GALNT12: variants seen among roughly 807,000 people sequenced by gnomAD.
GALNT12 encodes the protein UDP-GalNAc:polypeptide N-acetylgalactosaminyltransferase 12.
Under a neutral mutation model 55.5 loss-of-function variants are expected in GALNT12, and 45 were observed. The observed-to-expected ratio is 0.81, with a 90% confidence interval of 0.64 to 1.04. The LOEUF (loss-of-function observed/expected upper bound fraction) is 1.04. Among genes scored for constraint, GALNT12 ranks in the 50% least tolerant of loss-of-function variants. The probability of loss-of-function intolerance (pLI) is 0.00; values close to 1 mark genes in which losing one functional copy is unlikely to be tolerated. For synonymous variants in GALNT12, 304 were observed against 312.2 expected (o/e 0.97, Z 0.28); for missense variants, 709 against 754.8 (o/e 0.94, Z 0.71).
In GALNT12 at chr9:98,813,579, C is replaced by G. The variant is rs141797639; in HGVS notation, c.371+5510C>G. ...ATGGTGCGATCTCAGCTCACTGCAA[C>G]CTCCACCTCCTGGGTTCAAGTGATT... On this transcript the variant is annotated intron_variant, in intron 1 of 9. Coordinates refer to ENST00000375011, the MANE Select transcript of GALNT12 (RefSeq NM_024642.5). Among the ~76,000 whole-genome samples the G allele has an allele frequency of 5.2e-3, 796 of 151,912 alleles. 5 individuals are homozygous for G. Among genetic ancestry groups the G allele is most frequent in the South Asian group, 0.023 (111 of 4,804 alleles).
chr9:98,836,824 G>A (rs150280556), intron 5 of GALNT12, 148 bp from the exon 6 acceptor site: 9 of 791,776 alleles, frequency 1.1e-5, no homozygotes, highest in Non-Finnish European at 1.8e-5. Flanking sequence ...TGAGTGTGCC[G>A]GGTAGGTGGC....
Position 98,827,511 on chromosome 9 carries a change from A to G in GALNT12, c.731+570A>G, listed in dbSNP as rs534384658. On this transcript the variant is annotated intron_variant, in intron 3 of 9. Transcript: ENST00000375011. Reference sequence around the variant, plus strand: ...TATCCGGGCTTGTTGCAGAAAACCGAGGAAGTATCATCAACCAAGAACATT... The same window carrying G: ...TATCCGGGCTTGTTGCAGAAAACCGGGGAAGTATCATCAACCAAGAACATT... Among the ~76,000 whole-genome samples, 185 of 152,270 alleles carry G rather than the reference A, an allele frequency of 1.2e-3. 1 individual carries two copies. Among genetic ancestry groups the G allele is most frequent in the Non-Finnish European group, 2.4e-3 (162 of 68,026 alleles).
chr9:98,846,254 G>C, intron 9 of GALNT12, 131 bp downstream of exon 9: 1 of 1,194,416 alleles, frequency 8.4e-7, no homozygotes, highest in Non-Finnish European at 1.2e-6. Flanking sequence ...CAGGAGCTCT[G>C]GAAGACCTGG....
chr9:98,815,152 G>A (rs1175030598), intron 1 of GALNT12, among the ~76,000 whole-genome samples: 2 of 152,150 alleles, frequency 1.3e-5, no homozygotes, highest in Non-Finnish European at 1.5e-5. Flanking sequence ...TTTTCTGGAA[G>A]CAAACTTAAA....
At position 98,835,365 on chromosome 9, in the gene GALNT12, G is replaced by T; in HGVS notation, c.1034G>T (p.Arg345Met). 1 of 1,549,476 alleles carries T rather than the reference G, an allele frequency of 6.5e-7. No individual in the cohort carries two copies. The highest frequency in any genetic ancestry group is 8.9e-7 in the Non-Finnish European group (1 of 1,121,108). Residue 345 changes from arginine to methionine, a missense_variant and splice_region_variant, in exon 5 of 10, where the codon AGG (arginine) becomes ATG (methionine). Around this residue, in one of 5 missense-constraint regions of GALNT12, gnomAD observed 262 missense variants for 310.7 expected, o/e 0.84. Coordinates refer to ENST00000375011, the MANE Select transcript of GALNT12 (RefSeq NM_024642.5). ...WGGENLEFSFRIWQCGGVLET... is the reference protein window; with the variant it reads ...WGGENLEFSFMIWQCGGVLET... The stretch of plus-strand genomic sequence containing the variant: ...GGAGAAAACCTCGAATTTTCCTTTA[G>T]GGTAAGTATTTCAGTCTTCTCTTTG...
intron 9 of GALNT12, among the ~76,000 whole-genome samples, chr9:98,847,652 A>G (rs1836450739): frequency 2.0e-5 from 3 of 152,320 alleles, no homozygotes; most frequent in African/African-American, 7.2e-5. Context: ...CATATGTGAA[A>G]AGGATACAGC....
chr9:98,824,269 G>A (rs1431784077), intron 2 of GALNT12, among the ~76,000 whole-genome samples: 1 of 152,184 alleles, frequency 6.6e-6, no homozygotes, highest in Non-Finnish European at 1.5e-5. Context: ...TGGCTCCTTG[G>A]TGGATGGGGC....
rs1431628042 is a variant in GALNT12, at chr9:98,836,964, G to A, written c.1036-8G>A. The A allele has an allele frequency of 1.2e-6, 2 of 1,614,022 alleles. No homozygotes were observed. Among genetic ancestry groups the A allele is most frequent in the South Asian group, 1.1e-5 (1 of 91,064 alleles). Reference sequence around the variant, plus strand: ...CACCACCTGGCCTCTCCTTTTCTCTGTGTGCAGATCTGGCAGTGTGGTGGG... The same window carrying A: ...CACCACCTGGCCTCTCCTTTTCTCTATGTGCAGATCTGGCAGTGTGGTGGG... On this transcript the variant is annotated splice_polypyrimidine_tract_variant and splice_region_variant and intron_variant, in intron 5 of 9. Transcript: ENST00000375011.
chr9:98,849,236 G>A lies in GALNT12; in HGVS notation c.*144G>A. ...GGCAATCATTTTGCCATTTGTGAAAGTTGTGTTGGATTTAGTAAAAATGTG... is the reference window on the plus strand; with the variant it reads ...GGCAATCATTTTGCCATTTGTGAAAATTGTGTTGGATTTAGTAAAAATGTG... On this transcript the variant is annotated 3_prime_UTR_variant, in exon 10 of 10. Coordinates refer to ENST00000375011, the MANE Select transcript of GALNT12 (RefSeq NM_024642.5). 2.5e-6 allele frequency: 2 copies of A among 796,696 alleles called. No homozygotes were observed. The highest frequency in any genetic ancestry group is 4.2e-6 in the Non-Finnish European group (2 of 477,114). The allele number at this position is 796,696 out of a possible 1,614,324, so 49.4% of individuals were successfully genotyped here.
Position 98,836,954 on chromosome 9 carries a change from C to T in GALNT12, c.1036-18C>T, listed in dbSNP as rs1485352262. 1 of 1,613,986 alleles carries T rather than the reference C, an allele frequency of 6.2e-7. No homozygotes were observed. Among genetic ancestry groups the T allele is most frequent in the Non-Finnish European group, 8.5e-7 (1 of 1,179,988 alleles). On this transcript the variant is annotated intron_variant, in intron 5 of 9. Transcript: ENST00000375011. ...ATCCCCTGCTCACCACCTGGCCTCT[C>T]CTTTTCTCTGTGTGCAGATCTGGCA... is the stretch of plus-strand genomic sequence containing the variant.
chr9:98,831,096 T>C lies in GALNT12; in HGVS notation c.732-676T>C, dbSNP rs369879987. Reference sequence around the variant, plus strand: ...ATTTGTAATAATGTGGAGAGAACCGTTGAAGCCAACACACAGGCTGATACC... The same window carrying C: ...ATTTGTAATAATGTGGAGAGAACCGCTGAAGCCAACACACAGGCTGATACC... On this transcript the variant is annotated intron_variant, in intron 3 of 9. Transcript: ENST00000375011. 2.6e-5 allele frequency among the ~76,000 whole-genome samples: 4 copies of C among 152,224 alleles called. No individual in the cohort carries two copies. In the East Asian group the frequency reaches 7.7e-4, roughly 29 times the overall value.
At chr9:98,836,442 A>G (rs1391378784) in intron 5 of GALNT12, among the ~76,000 whole-genome samples, 3 of 152,186 alleles carry the variant, frequency 2.0e-5, no homozygotes, top group Admixed American at 2.0e-4. Context: ...GGAAAATGAG[A>G]TATTCAAGGC....
Position 98,831,796 on chromosome 9 carries a change from G to C in GALNT12, c.756G>C (p.Val252=), listed in dbSNP as rs1564255781. Residue 252 remains valine (V), a synonymous_variant, in exon 4 of 10, where the codon GTG becomes GTC. Transcript: ENST00000375011. ...LQRIHEEESA[V]VCPVIDVIDW... The stretch of plus-strand genomic sequence containing the variant: ...GGATCCATGAAGAGGAGTCGGCAGT[G>C]GTGTGCCCGGTGATTGATGTGATCG... The C allele has an allele frequency of 1.2e-6, 2 of 1,614,196 alleles. No homozygotes were observed. Among genetic ancestry groups the C allele is most frequent in the Non-Finnish European group, 1.7e-6 (2 of 1,180,034 alleles).
Position 98,831,887 on chromosome 9 carries a change from C to G in GALNT12, c.847C>G (p.Leu283Val), listed in dbSNP as rs1406290246. Reference sequence around the variant, plus strand: ...CCAGATCGGCGGTTTCGACTGGAGGCTGGTGTTCACGTGGCACACAGTTCC... The same window carrying G: ...CCAGATCGGCGGTTTCGACTGGAGGGTGGTGTTCACGTGGCACACAGTTCC... ...EPQIGGFDWR[L>V]VFTWHTVPER... Residue 283 changes from leucine to valine, a missense_variant, in exon 4 of 10, where the codon CTG (leucine) becomes GTG (valine). Around this residue, in one of 5 missense-constraint regions of GALNT12, gnomAD observed 315 missense variants for 288.6 expected, o/e 1.09. Coordinates refer to ENST00000375011, the MANE Select transcript of GALNT12 (RefSeq NM_024642.5). 3 of 1,614,036 alleles carry G rather than the reference C, an allele frequency of 1.9e-6. No individual in the cohort carries two copies. Among genetic ancestry groups the G allele is most frequent in the Non-Finnish European group, 2.5e-6 (3 of 1,180,030 alleles).
intron 3 of GALNT12, 97 bp from the exon 4 acceptor site, chr9:98,831,675 T>C (rs891237410): frequency 2.4e-5 from 32 of 1,337,852 alleles, no homozygotes; most frequent in Non-Finnish European, 3.1e-5. Context: ...CTCCCTCTTA[T>C]TGGAAGGAAG....
intron 1 of GALNT12, among the ~76,000 whole-genome samples, chr9:98,821,444 A>G (rs1041674927): frequency 1.3e-5 from 2 of 151,852 alleles, no homozygotes; most frequent in Non-Finnish European, 2.9e-5. Flanking sequence ...ACATGGTGAA[A>G]CACCGTCTCT....
At position 98,848,150 on chromosome 9, in the gene GALNT12, A is replaced by G. The variant is rs193302697; in HGVS notation, c.1606-802A>G. ...TTATGTAGGCCTAAAAACCTCTGAA[A>G]TGTCATTTCTTGGATTCTACAAAAC... On this transcript the variant is annotated intron_variant, in intron 9 of 9. Coordinates refer to ENST00000375011, the MANE Select transcript of GALNT12 (RefSeq NM_024642.5). 2.7e-4 allele frequency among the ~76,000 whole-genome samples: 41 copies of G among 152,220 alleles called. No homozygotes were observed. In the East Asian group the frequency reaches 7.9e-3, roughly 29 times the overall value.
intron 2 of GALNT12, among the ~76,000 whole-genome samples, chr9:98,826,144 G>A (rs1835851853): frequency 6.6e-6 from 1 of 152,084 alleles, no homozygotes. Flanking sequence ...AAGTTACTTA[G>A]CCTCTCCGGC....
intron 9 of GALNT12, among the ~76,000 whole-genome samples, chr9:98,847,850 C>A (rs1413728765): frequency 6.9e-6 from 1 of 144,114 alleles, no homozygotes; most frequent in Admixed American, 7.1e-5. Context: ...GAGCCTTGCT[C>A]CACCAAGGCT....
Sources: gnomAD v4.1 joint callset for allele counts (sites outside exome capture counted in the v4.1 genomes callset) on GRCh38, gnomAD v4.1.1 for gene constraint, gnomAD v4.1.1 regional missense constraint, MANE v1.5 for transcripts, NCBI Gene and HGNC (gene_info 2026-07-23, HGNC 2026-07-21) for gene names.